Variants in BANP observed in about 807,000 individuals in gnomAD.
The protein encoded by BANP is BTG3 associated nuclear protein, also known as protein BANP.
BANP carries 11 observed loss-of-function variants against 68.1 expected under a neutral mutation model. The ratio of observed to expected loss-of-function variants is 0.16; its 90% confidence interval spans 0.10 to 0.27. The LOEUF (loss-of-function observed/expected upper bound fraction) is 0.27. Ranked by LOEUF, BANP falls within the 10% of genes least tolerant of loss-of-function variation. The pLI, the probability that BANP is intolerant of heterozygous loss-of-function variation, is 1.00. For missense variants in BANP, 504 were observed against 722.7 expected (o/e 0.70, Z 3.47); for synonymous variants, 329 against 303.2 (o/e 1.09, Z -0.88).
chr16:88,043,468 A>C (rs1213082352), intron 11 of BANP, among the ~76,000 whole-genome samples: 2 of 152,174 alleles, frequency 1.3e-5, no homozygotes, highest in Admixed American at 1.3e-4. Flanking sequence ...CCTTTACTGC[A>C]CAATCCCTGT....
intron 4 of BANP, among the ~76,000 whole-genome samples, chr16:87,984,739 T>C (rs1313848522): frequency 1.3e-5 from 2 of 152,130 alleles, no homozygotes; most frequent in Non-Finnish European, 2.9e-5. Flanking sequence ...GCAAACTGTT[T>C]GAGTAGAACC....
intron 1 of BANP, among the ~76,000 whole-genome samples, chr16:87,960,538 G>A (rs12918554): frequency 0.34 from 51,686 of 152,122 alleles, 10,221 homozygotes; most frequent in Non-Finnish European, 0.47. Flanking sequence ...GGCAGAGATA[G>A]CATAGGGAGT....
intron 4 of BANP, among the ~76,000 whole-genome samples, chr16:87,992,794 A>AC (rs1026914752): frequency 3.3e-5 from 5 of 151,854 alleles, no homozygotes; most frequent in African/African-American, 1.2e-4. Flanking sequence ...ACTCCTCAAA[A>AC]AAAAAAAACA....
chr16:88,063,546 G>A lies in BANP; in HGVS notation c.1312-1721G>A, dbSNP rs142320015. On this transcript the variant is annotated intron_variant, in intron 11 of 13. Transcript: ENST00000682872. ...GTGACCGCTGGTCATTTCTGATCTC[G>A]CCTTCTGTGCACAAGCTCCTGTGAT... 2.3e-4 allele frequency among the ~76,000 whole-genome samples: 35 copies of A among 152,270 alleles called. No homozygotes were observed. The East Asian group carries it at 6.0e-3, about 26-fold the overall frequency.
At chr16:88,070,079 G>C (rs1040721964) in intron 12 of BANP, among the ~76,000 whole-genome samples, 2 of 152,176 alleles carry the variant, frequency 1.3e-5, no homozygotes, top group Non-Finnish European at 2.9e-5. Context: ...CCTCTCGCCT[G>C]TGCCTTTCTG....
intron 13 of BANP, among the ~76,000 whole-genome samples, chr16:88,075,011 C>T (rs1038819498): frequency 1.4e-4 from 21 of 152,152 alleles, no homozygotes. Flanking sequence ...CAAGACCAGC[C>T]TGGGCAACGT....
At chr16:88,042,561 C>A (rs2081086341) in intron 11 of BANP, among the ~76,000 whole-genome samples, 1 of 152,210 alleles carries the variant, frequency 6.6e-6, no homozygotes, top group African/African-American at 2.4e-5. Flanking sequence ...GCATCGCTGG[C>A]TGGGAGAGGG....
At position 88,064,966 on chromosome 16, in the gene BANP, A is replaced by G. The variant is rs11117357; in HGVS notation, c.1312-301A>G. On this transcript the variant is annotated intron_variant, in intron 11 of 13. Coordinates refer to ENST00000682872, the MANE Select transcript of BANP (RefSeq NM_001386991.1). This position sits in a 1 kb window ranked among gnomAD's most constrained non-coding sequence, Gnocchi z 4.5. ...TTTGGCTTTTAAAAACTCCTACAGT[A>G]CAAACTCTTTCTAATGGAAAAAAGC... Among the ~76,000 whole-genome samples, 87,454 of 152,150 alleles carry G rather than the reference A, an allele frequency of 0.57. 26,105 individuals carry two copies. The highest frequency in any genetic ancestry group is 0.68 in the Non-Finnish European group (46,065 of 68,002).
chr16:88,054,203 C>T lies in BANP; in HGVS notation c.1312-11064C>T, dbSNP rs528218990. ...ATCATCACCAACACAACCACCCTAA[C>T]GACTACCACCCCCACCTCCTTCACT... On this transcript the variant is annotated intron_variant, in intron 11 of 13. Coordinates refer to ENST00000682872, the MANE Select transcript of BANP (RefSeq NM_001386991.1). Among the ~76,000 whole-genome samples, 33 of 120,098 alleles carry T rather than the reference C, an allele frequency of 2.7e-4. 1 individual carries two copies. The East Asian group carries it at 6.8e-3, about 25-fold the overall frequency. The allele number at this position is 120,098 out of a possible 152,430, so 78.8% of individuals were successfully genotyped here.
At chr16:87,986,552 T>G (rs2064476805) in intron 4 of BANP, among the ~76,000 whole-genome samples, 1 of 137,516 alleles carries the variant, frequency 7.3e-6, no homozygotes, top group South Asian at 2.1e-4. Context: ...TTCATTCCCA[T>G]CTGAGTTTCT....
At chr16:88,033,780 T>C (rs1248388638) in intron 9 of BANP, among the ~76,000 whole-genome samples, 2 of 152,206 alleles carry the variant, frequency 1.3e-5, no homozygotes, top group African/African-American at 4.8e-5. Flanking sequence ...TGCGGAGTTC[T>C]CTATTGGGGT....
At chr16:88,022,891 C>T (rs1189537084) in intron 7 of BANP, among the ~76,000 whole-genome samples, 1 of 152,194 alleles carries the variant, frequency 6.6e-6, no homozygotes, top group African/African-American at 2.4e-5. Flanking sequence ...AGGATGACCT[C>T]ATTACAACCT....
chr16:88,068,768 C>T (rs891130220), intron 12 of BANP, among the ~76,000 whole-genome samples: 3 of 152,120 alleles, frequency 2.0e-5, no homozygotes, highest in African/African-American at 7.2e-5. Context: ...CTTGCCCGGT[C>T]TGTTCCCAGG....
chr16:88,006,342 G>GT (rs1328632153), intron 6 of BANP, 77 bp downstream of exon 6: 47 of 1,501,450 alleles, frequency 3.1e-5, no homozygotes, highest in Non-Finnish European at 4.2e-5. Flanking sequence ...AAATTTTGTT[G>GT]TTTTTTAAAG....
intron 4 of BANP, among the ~76,000 whole-genome samples, chr16:87,997,005 G>T (rs1343023668): frequency 6.6e-6 from 1 of 152,194 alleles, no homozygotes. Context: ...CATGCCAGTT[G>T]CCCAGAGCAC....
chr16:88,076,714 C>G lies in BANP; in HGVS notation c.*53C>G. Reference sequence around the variant, plus strand: ...CGCCGGCTCCGCCTACGGCCCGGCCCCCACGCGCCCTGCTCTCACGGCCTC... The same window carrying G: ...CGCCGGCTCCGCCTACGGCCCGGCCGCCACGCGCCCTGCTCTCACGGCCTC... On this transcript the variant is annotated 3_prime_UTR_variant, in exon 14 of 14. Transcript: ENST00000682872. 1 of 1,480,320 alleles carries G rather than the reference C, an allele frequency of 6.8e-7. No individual in the cohort carries two copies. Among genetic ancestry groups the G allele is most frequent in the African/African-American group, 1.4e-5 (1 of 71,900 alleles). 91.7% of individuals were successfully genotyped at this position (1,480,320 alleles called of 1,614,324 possible).
chr16:88,029,594 G>C (rs1322396768), intron 8 of BANP, among the ~76,000 whole-genome samples: 4 of 141,648 alleles, frequency 2.8e-5, no homozygotes, highest in Non-Finnish European at 6.1e-5. Context: ...CTGGGCTACA[G>C]AGCAAGACTC....
intron 7 of BANP, among the ~76,000 whole-genome samples, chr16:88,023,363 T>C (rs1239907587): frequency 2.0e-5 from 3 of 152,136 alleles, no homozygotes; most frequent in Non-Finnish European, 2.9e-5. Context: ...TTGAAGAAGG[T>C]GGCCGGCTTG....
Position 87,973,768 on chromosome 16 carries a change from A to AAAAAAGAAAG in BANP, c.-68-1275_-68-1274insGAAAGAAAAA, listed in dbSNP as rs1555544113. On this transcript the variant is annotated intron_variant, in intron 1 of 13. Transcript: ENST00000682872. The stretch of plus-strand genomic sequence containing the variant: ...AACTCCATCACAAAAAAAAAAAAAA[A>AAAAAAGAAAG]AAAAAAGAAAAAAGAAAAAAATTCT... Among the ~76,000 whole-genome samples, 404 of 104,812 alleles carry AAAAAAGAAAG rather than the reference A, an allele frequency of 3.9e-3. 2 individuals carry two copies. Among genetic ancestry groups the AAAAAAGAAAG allele is most frequent in the East Asian group, 0.031 (126 of 4,088 alleles). The allele number at this position is 104,812 out of a possible 152,430, so 68.8% of individuals were successfully genotyped here. A position where few individuals can be genotyped will look rare whatever the true frequency, so the allele number is the denominator to read the frequency against.
Sources: gnomAD v4.1 joint callset for allele counts (sites outside exome capture counted in the v4.1 genomes callset) on GRCh38, gnomAD v4.1.1 for gene constraint, Gnocchi (gnomAD v3.1) non-coding constraint, MANE v1.5 for transcripts, NCBI Gene and HGNC (gene_info 2026-07-23, HGNC 2026-07-21) for gene names.